The following ZFY variants were observed in gnomAD, a reference collection of about 807,000 sequenced individuals.
ZFY encodes the protein zinc finger Y-chromosomal protein.
For missense variants in ZFY, 113 were observed against 170.9 expected (o/e 0.66, Z 1.89); for synonymous variants, 47 against 55.8 (o/e 0.84, Z 0.71).
chrY:2,938,151 C>G (rs1603310548), intron 1 of ZFY, among the ~76,000 whole-genome samples: 1 of 9,579 alleles, frequency 1.0e-4, no homozygotes, highest in African/African-American at 4.8e-4. Flanking sequence ...CCACGCCGGG[C>G]TAATTTTTTT....
At chrY:2,937,877 C>G in intron 1 of ZFY, among the ~76,000 whole-genome samples, 2 of 32,931 alleles carry the variant, frequency 6.1e-5, no homozygotes, top group Admixed American at 5.7e-4. Context: ...TTGAGTCTTC[C>G]CAGACTGCAG....
chrY:2,963,032 G>A, intron 3 of ZFY, among the ~76,000 whole-genome samples: 1 of 32,042 alleles, frequency 3.1e-5, no homozygotes, highest in Non-Finnish European at 7.7e-5. Flanking sequence ...GACATATTTA[G>A]GGTTGACAGG....
Position 2,935,482 on chromosome Y carries a change from G to A in ZFY, c.-316G>A, listed in dbSNP as rs2051211344. The A allele has an allele frequency of 2.9e-5, 1 of 34,736 alleles. No homozygotes were observed. Among genetic ancestry groups the A allele is most frequent in the African/African-American group, 1.1e-4 (1 of 9,024 alleles). 8.7% of individuals were successfully genotyped at this position (34,736 alleles called of 400,897 possible). A position where few individuals can be genotyped will look rare whatever the true frequency, so the allele number is the denominator to read the frequency against. ...CGTGCCCCCGCGGCCGCGGGGCCTA[G>A]TGCGCGCGCAGTAACCTGTTTGTGG... On this transcript the variant is annotated 5_prime_UTR_variant, in exon 1 of 8. The change creates a new upstream start codon in the 5' untranslated region. Transcript: ENST00000155093.
intron 1 of ZFY, among the ~76,000 whole-genome samples, chrY:2,937,691 A>G: frequency 6.1e-5 from 2 of 32,753 alleles, no homozygotes; most frequent in African/African-American, 2.4e-4. Context: ...AGCAGTTTTC[A>G]GAAATGCAGT....
At chrY:2,954,225 C>T in intron 2 of ZFY, among the ~76,000 whole-genome samples, 1 of 33,744 alleles carries the variant, frequency 3.0e-5, no homozygotes, top group Non-Finnish European at 7.4e-5. Flanking sequence ...CTAAAGCCTG[C>T]TAGTTCTCCC....
intron 1 of ZFY, among the ~76,000 whole-genome samples, chrY:2,941,470 A>G: frequency 3.2e-5 from 1 of 31,226 alleles, no homozygotes; most frequent in Non-Finnish European, 7.8e-5. Flanking sequence ...TAAGTTTTCT[A>G]TTAGACTGTT....
intron 1 of ZFY, among the ~76,000 whole-genome samples, chrY:2,947,572 A>AT (rs2051265967): frequency 3.1e-5 from 1 of 32,318 alleles, no homozygotes; most frequent in Admixed American, 2.8e-4. Context: ...GTGATTGAAC[A>AT]TTTTTTTTTC....
intron 2 of ZFY, among the ~76,000 whole-genome samples, chrY:2,959,868 C>CTT (rs2051303234): frequency 4.8e-5 from 1 of 20,916 alleles, no homozygotes; most frequent in Non-Finnish European, 1.1e-4. Context: ...CTTTCCTTTT[C>CTT]TTTTTTTTTT....
chrY:2,945,507 G>A, intron 1 of ZFY, among the ~76,000 whole-genome samples: 1 of 30,221 alleles, frequency 3.3e-5, no homozygotes, highest in Non-Finnish European at 7.9e-5. Context: ...ATTTCACTCT[G>A]TTGCCCGGGC....
At chrY:2,937,302 C>G (rs2051218970) in intron 1 of ZFY, among the ~76,000 whole-genome samples, 1 of 30,814 alleles carries the variant, frequency 3.2e-5, no homozygotes, top group African/African-American at 1.3e-4. Context: ...GTCAGGAGTT[C>G]GAATCCAGCT....
intron 3 of ZFY, among the ~76,000 whole-genome samples, chrY:2,971,084 C>A (rs757415287): frequency 3.9e-4 from 13 of 33,636 alleles, no homozygotes; most frequent in Admixed American, 3.6e-3. Flanking sequence ...TGTCCTGATT[C>A]AAGGCTTCAT....
At chrY:2,977,020 A>G (rs776033578) in intron 6 of ZFY, among the ~76,000 whole-genome samples, 198 bp downstream of exon 6, 1 of 27,616 alleles carries the variant, frequency 3.6e-5, no homozygotes, top group African/African-American at 1.5e-4. Flanking sequence ...ACTAAAAAAT[A>G]TTTTTAAAAA....
chrY:2,945,472 C>T, intron 1 of ZFY, among the ~76,000 whole-genome samples: 1 of 31,218 alleles, frequency 3.2e-5, no homozygotes. Context: ...CTCCCCTCCC[C>T]TCCCCTCCCC....
chrY:2,952,305 A>G, intron 1 of ZFY, among the ~76,000 whole-genome samples: 1 of 33,908 alleles, frequency 2.9e-5, no homozygotes, highest in Non-Finnish European at 7.3e-5. Flanking sequence ...TAATCCAACA[A>G]ATCACATTTA....
rs2051365415 is a variant in ZFY at position 2,975,579 on chromosome Y, A to T, written c.853A>T (p.Ser285Cys). The T allele has an allele frequency of 2.5e-6, 1 of 394,622 alleles. No individual in the cohort carries two copies. Among genetic ancestry groups the T allele is most frequent in the African/African-American group, 6.4e-5 (1 of 15,562 alleles). Residue 285 changes from serine (S) to cysteine (C), a missense_variant, in exon 5 of 8, where the codon AGC becomes TGC. Ser to Cys is a moderately radical substitution (Grantham distance 112). Coordinates refer to ENST00000155093, the MANE Select transcript of ZFY (RefSeq NM_003411.4). ...DHGVELLDQN[S>C]SIRVPREKMV... ...TGGAGTTGAACTACTTGATCAGAAC[A>T]GCAGTATTCGTGTTCCCAGGGAAAA...
At chrY:2,962,860 G>A (rs1004714498) in intron 3 of ZFY, among the ~76,000 whole-genome samples, 9 of 33,088 alleles carry the variant, frequency 2.7e-4, no homozygotes, top group Non-Finnish European at 3.7e-4. Flanking sequence ...GGGGAGTAAG[G>A]TGGTGTTTAG....
intron 2 of ZFY, among the ~76,000 whole-genome samples, chrY:2,957,692 C>T: frequency 3.0e-5 from 1 of 33,699 alleles, no homozygotes; most frequent in Non-Finnish European, 7.4e-5. Flanking sequence ...CTCTCCACTT[C>T]TCGACACCAA....
intron 1 of ZFY, among the ~76,000 whole-genome samples, chrY:2,947,907 C>A (rs2051266756): frequency 3.0e-5 from 1 of 33,699 alleles, no homozygotes; most frequent in African/African-American, 1.2e-4. Context: ...TTTTTACATC[C>A]ATTCCCTAAA....
chrY:2,957,165 GT>G (rs2051295537), intron 2 of ZFY, among the ~76,000 whole-genome samples: 2 of 27,909 alleles, frequency 7.2e-5, no homozygotes, highest in African/African-American at 2.8e-4. Flanking sequence ...GTTGTTACTG[GT>G]TTTTTTTTTT....
Sources: allele counts gnomAD v4.1 joint callset (sites outside exome capture counted in the v4.1 genomes callset), GRCh38; gene constraint gnomAD v4.1.1; transcripts MANE v1.5; gene names NCBI Gene and HGNC (gene_info 2026-07-23, HGNC 2026-07-21).